The following SNX29 variants were observed in gnomAD, a reference collection of about 807,000 sequenced individuals.
SNX29 encodes the protein sorting nexin-29.
Under a neutral mutation model 102.1 loss-of-function variants are expected in SNX29, and 78 were observed. The ratio of observed to expected loss-of-function variants is 0.76; its 90% CI spans 0.64 to 0.92. The LOEUF is 0.92. Ranked by LOEUF, SNX29 falls within the 40% of genes least tolerant of loss-of-function variation. SNX29 has a pLI of 0.00. For missense variants in SNX29, 1,280 were observed against 1,061.7 expected (o/e 1.21, Z -2.86); for synonymous variants, 580 against 414.5 (o/e 1.40, Z -4.85).
At chr16:12,084,674 G>A (rs753926995) in intron 11 of SNX29, among the ~76,000 whole-genome samples, 3 of 152,090 alleles carry the variant, frequency 2.0e-5, no homozygotes, top group Non-Finnish European at 2.9e-5. Flanking sequence ...CCTCAGTACC[G>A]TGTCCTTATC....
At chr16:12,427,038 A>T (rs1239255683) in intron 18 of SNX29, among the ~76,000 whole-genome samples, 2 of 152,240 alleles carry the variant, frequency 1.3e-5, no homozygotes, top group Non-Finnish European at 2.9e-5. Flanking sequence ...AGGGAGAAGC[A>T]GGTAACAAAA....
chr16:12,008,277 T>G (rs1434747107), intron 3 of SNX29, among the ~76,000 whole-genome samples: 1 of 150,408 alleles, frequency 6.6e-6, no homozygotes. Context: ...AAATTTTTTT[T>G]TCTTTTTTTG....
intron 15 of SNX29, among the ~76,000 whole-genome samples, chr16:12,346,867 C>A (rs2081827737): frequency 6.6e-6 from 1 of 152,150 alleles, no homozygotes; most frequent in Non-Finnish European, 1.5e-5. Context: ...ATGAAGCCTC[C>A]CTCCCTGGCT....
intron 14 of SNX29, among the ~76,000 whole-genome samples, chr16:12,230,023 G>A (rs557800180): frequency 7.2e-5 from 11 of 152,230 alleles, no homozygotes; most frequent in South Asian, 4.1e-4. Context: ...TGTAGCAGCC[G>A]CAGACATTGT....
rs1293020561 is a variant in SNX29 at position 12,170,859 on chromosome 16, TGC to T, written c.1596-28732_1596-28731del. Among the ~76,000 whole-genome samples the T allele has an allele frequency of 1.2e-3, 180 of 151,632 alleles. 2 individuals are homozygous for T. The highest frequency in any genetic ancestry group is 0.012 in the Admixed American group (176 of 15,240). On this transcript the variant is annotated intron_variant, in intron 13 of 20. Coordinates refer to ENST00000566228, the MANE Select transcript of SNX29 (RefSeq NM_032167.5). ...AGTGTGAGTGTATGAGGAGTGTCTG[TGC>T]GCGCGCGCGTGCTGTTTACAGGGCC...
At position 12,479,767 on chromosome 16, in the gene SNX29, G is replaced by T. The variant is rs117743554; in HGVS notation, c.2178+1908G>T. Among the ~76,000 whole-genome samples the T allele has an allele frequency of 5.6e-3, 858 of 152,294 alleles. 12 individuals carry two copies. Among genetic ancestry groups the T allele is most frequent in the East Asian group, 0.036 (186 of 5,184 alleles). On this transcript the variant is annotated intron_variant, in intron 19 of 20. Transcript: ENST00000566228. ...TTATCAAATTATAAGACATTCTTAT[G>T]TGCAAGAAACACAATCCTGGAGTGG...
intron 19 of SNX29, among the ~76,000 whole-genome samples, chr16:12,488,375 C>T (rs1031761217): frequency 9.9e-5 from 15 of 152,060 alleles, no homozygotes; most frequent in Non-Finnish European, 1.5e-4. Context: ...GCCGCCCTTC[C>T]CTGGGTTCAT....
chr16:12,560,761 G>C (rs3751786), intron 20 of SNX29: 59,523 of 173,172 alleles, frequency 0.34, 12,355 homozygotes, highest in East Asian at 0.6. Context: ...TTAGCCATAG[G>C]ATTTACCCTC....
intron 14 of SNX29, among the ~76,000 whole-genome samples, chr16:12,268,950 T>A (rs1230994520): frequency 1.3e-5 from 2 of 152,194 alleles, no homozygotes; most frequent in Non-Finnish European, 2.9e-5. Flanking sequence ...CCCAAACAGA[T>A]GTGGCCGGCT....
intron 3 of SNX29, among the ~76,000 whole-genome samples, chr16:12,004,672 C>T (rs535416046): frequency 6.6e-6 from 1 of 152,164 alleles, no homozygotes; most frequent in Non-Finnish European, 1.5e-5. Flanking sequence ...TCCATCGTTC[C>T]TCTTTCTGTC....
chr16:12,077,032 G>C (rs544874515), intron 10 of SNX29, among the ~76,000 whole-genome samples: 1 of 152,282 alleles, frequency 6.6e-6, no homozygotes, highest in African/African-American at 2.4e-5. Context: ...TCAGCACTTT[G>C]GGAGGCCAAG....
At chr16:12,438,678 T>C (rs889812) in intron 18 of SNX29, among the ~76,000 whole-genome samples, 106,360 of 152,184 alleles carry the variant, frequency 0.7, 38,605 homozygotes, top group African/African-American at 0.91. Context: ...AAGAGCTTGT[T>C]GTTGAAGAAA....
intron 18 of SNX29, among the ~76,000 whole-genome samples, chr16:12,425,502 A>G (rs141091157): frequency 7.0e-6 from 1 of 143,224 alleles, no homozygotes; most frequent in African/African-American, 2.6e-5. Flanking sequence ...AGTTTGGTCA[A>G]GTCCACACTA....
At chr16:12,559,862 T>C (rs1438274521) in intron 20 of SNX29, among the ~76,000 whole-genome samples, 1 of 152,108 alleles carries the variant, frequency 6.6e-6, no homozygotes, top group Admixed American at 6.5e-5. Flanking sequence ...TGATTTAAAA[T>C]ACCAGATTTC....
chr16:12,324,167 C>T (rs970869842), intron 15 of SNX29, among the ~76,000 whole-genome samples: 1 of 151,858 alleles, frequency 6.6e-6, no homozygotes, highest in South Asian at 2.1e-4. Flanking sequence ...GGGGTCATTC[C>T]ATGGGCTTTT....
intron 15 of SNX29, 98 bp from the exon 16 acceptor site, chr16:12,356,065 T>C: frequency 9.3e-6 from 10 of 1,077,800 alleles, no homozygotes; most frequent in Non-Finnish European, 1.4e-5. Context: ...TACAGATGTT[T>C]TGCTGACAGG....
Position 12,569,871 on chromosome 16 carries a change from A to G in SNX29, c.*1242A>G, listed in dbSNP as rs541017386. The G allele has an allele frequency of 4.3e-6, 1 of 231,294 alleles. No homozygotes were observed. Among genetic ancestry groups the G allele is most frequent in the Admixed American group, 5.6e-5 (1 of 17,718 alleles). 14.3% of individuals were successfully genotyped at this position (231,294 alleles called of 1,614,324 possible). On this transcript the variant is annotated 3_prime_UTR_variant, in exon 21 of 21. Transcript: ENST00000566228. ...AGGATGTCGTGAAATGGACTATGCA[A>G]GAGTAAGTTTGTGTGTTTCGCCTTA...
In SNX29 at chr16:12,573,995, G is replaced by A. The variant is rs1210836268; in HGVS notation, c.*5366G>A. The A allele has an allele frequency of 5.0e-6, 1 of 198,424 alleles. No homozygotes were observed. The highest frequency in any genetic ancestry group is 1.0e-5 in the Non-Finnish European group (1 of 95,912). The allele number at this position is 198,424 out of a possible 1,614,324, so 12.3% of individuals were successfully genotyped here. ...AGGGGGCGCCCATGATCGGCTCCCA[G>A]TGCACCCCCTTAAGGGTAAGCAGGC... On this transcript the variant is annotated 3_prime_UTR_variant, in exon 21 of 21. Coordinates refer to ENST00000566228, the MANE Select transcript of SNX29 (RefSeq NM_032167.5).
At chr16:12,003,259 C>A (rs937245560) in intron 3 of SNX29, among the ~76,000 whole-genome samples, 1 of 152,172 alleles carries the variant, frequency 6.6e-6, no homozygotes, top group African/African-American at 2.4e-5. Flanking sequence ...CCACATTTTC[C>A]ATAATTCTCT....
Sources: gnomAD v4.1 joint callset for allele counts (sites outside exome capture counted in the v4.1 genomes callset) on GRCh38, gnomAD v4.1.1 for gene constraint, MANE v1.5 for transcripts, NCBI Gene and HGNC (gene_info 2026-07-23, HGNC 2026-07-21) for gene names.